The following SDK1 variants were observed in gnomAD, a reference collection of about 807,000 sequenced individuals.
The protein encoded by SDK1 is protein sidekick-1.
A neutral mutation model predicts 245.5 loss-of-function variants in SDK1; 157 were observed. That is an observed-to-expected ratio of 0.64 (90% confidence interval 0.56 to 0.73). The LOEUF (loss-of-function observed/expected upper bound fraction) is 0.73. Ranked by LOEUF, SDK1 falls within the 30% of genes least tolerant of loss-of-function variation. The pLI, the probability that SDK1 is intolerant of heterozygous loss-of-function variation, is 0.00. For synonymous variants in SDK1, 1,647 were observed against 1,278.5 expected (o/e 1.29, Z -6.15); for missense variants, 3,583 against 3,002.3 (o/e 1.19, Z -4.52).
intron 38 of SDK1, among the ~76,000 whole-genome samples, chr7:4,213,849 C>G (rs1784640094): frequency 1.3e-5 from 2 of 152,142 alleles, no homozygotes; most frequent in South Asian, 4.1e-4. Context: ...CTGGGAAACT[C>G]AAAGCATTCG....
At chr7:3,429,866 C>G (rs927028273) in intron 1 of SDK1, among the ~76,000 whole-genome samples, 37 of 152,122 alleles carry the variant, frequency 2.4e-4, no homozygotes, top group African/African-American at 8.4e-4. Flanking sequence ...GTTGGGATTA[C>G]AGGCATGAGC....
intron 14 of SDK1, among the ~76,000 whole-genome samples, chr7:4,009,761 G>A (rs1296834779): frequency 6.6e-6 from 1 of 152,258 alleles, no homozygotes; most frequent in Non-Finnish European, 1.5e-5. Flanking sequence ...TTCTGAATTA[G>A]TGATAGACAC....
intron 1 of SDK1, among the ~76,000 whole-genome samples, chr7:3,457,477 T>C (rs1780707560): frequency 6.6e-6 from 1 of 152,176 alleles, no homozygotes. Context: ...TCAATCATAA[T>C]GTGGTGTGTA....
Position 3,974,459 on chromosome 7 carries a change from G to C in SDK1, c.1908G>C (p.Gln636His). ...AGGACGGGTCCCTTCTCATCAGCCA[G>C]ACGTGGTCAGGCGACATCGGTGACT... ...VEKDGSLLIS[Q>H]TWSGDIGDYS... Residue 636 changes from glutamine (Q) to histidine (H), a missense_variant, in exon 13 of 45, where the codon CAG becomes CAC. Transcript: ENST00000404826. The C allele has an allele frequency of 6.2e-7, 1 of 1,614,182 alleles. No homozygotes were observed. The highest frequency in any genetic ancestry group is 1.1e-5 in the South Asian group (1 of 91,080).
At chr7:4,139,030 G>T (rs1006053987) in intron 28 of SDK1, among the ~76,000 whole-genome samples, 1 of 152,260 alleles carries the variant, frequency 6.6e-6, no homozygotes, top group African/African-American at 2.4e-5. Context: ...CTGAGAGGCA[G>T]TGGGCGCACA....
chr7:3,490,493 A>C (rs950397982), intron 1 of SDK1, among the ~76,000 whole-genome samples: 1 of 152,194 alleles, frequency 6.6e-6, no homozygotes, highest in African/African-American at 2.4e-5. Flanking sequence ...TATCATTTTA[A>C]AGATTACCAT....
At chr7:3,825,114 G>C (rs1325371716) in intron 5 of SDK1, among the ~76,000 whole-genome samples, 1 of 152,066 alleles carries the variant, frequency 6.6e-6, no homozygotes, top group Admixed American at 6.6e-5. Context: ...TTCATGGCCA[G>C]CTCCCACTGC....
At chr7:3,937,023 A>G (rs2128119679) in intron 5 of SDK1, among the ~76,000 whole-genome samples, 1 of 152,310 alleles carries the variant, frequency 6.6e-6, no homozygotes, top group Middle Eastern at 3.4e-3. Context: ...CTGCCTGGCC[A>G]TGATCATCAT....
At chr7:4,145,269 A>G (rs1779880726) in intron 28 of SDK1, among the ~76,000 whole-genome samples, 1 of 152,070 alleles carries the variant, frequency 6.6e-6, no homozygotes, top group Admixed American at 6.5e-5. Flanking sequence ...GGGAAGGAGG[A>G]GTGGCCGCTG....
chr7:3,923,061 T>G (rs1158441523), intron 5 of SDK1, among the ~76,000 whole-genome samples: 2 of 152,236 alleles, frequency 1.3e-5, no homozygotes, highest in African/African-American at 4.8e-5. Context: ...GCATTGTTAA[T>G]TTTGGCAATT....
chr7:3,497,980 G>C (rs1003002066), intron 1 of SDK1, among the ~76,000 whole-genome samples: 1 of 152,318 alleles, frequency 6.6e-6, no homozygotes, highest in Non-Finnish European at 1.5e-5. Context: ...CACGGAGACA[G>C]CTTTATGCAG....
intron 1 of SDK1, among the ~76,000 whole-genome samples, chr7:3,365,148 A>G (rs1045067778): frequency 6.6e-6 from 1 of 152,180 alleles, no homozygotes; most frequent in Admixed American, 6.5e-5. Flanking sequence ...TGTAATGTAA[A>G]GCCATTGAAC....
chr7:3,687,056 A>AAAACACACACACACACACACACAC (rs758259836), intron 4 of SDK1, among the ~76,000 whole-genome samples: 1 of 135,162 alleles, frequency 7.4e-6, no homozygotes, highest in African/African-American at 2.9e-5. Context: ...ATAGCATCAA[A>AAAACACACACACACACACACACAC]ACACACACAC....
At chr7:3,506,579 A>G (rs1237504137) in intron 1 of SDK1, among the ~76,000 whole-genome samples, 1 of 152,108 alleles carries the variant, frequency 6.6e-6, no homozygotes, top group African/African-American at 2.4e-5. Context: ...TGCATATTAT[A>G]TTATCATATT....
intron 22 of SDK1, among the ~76,000 whole-genome samples, chr7:4,104,583 A>G (rs1782783090): frequency 6.6e-6 from 1 of 152,182 alleles, no homozygotes; most frequent in South Asian, 2.1e-4. Flanking sequence ...TTCACTCTAC[A>G]TACTTTGACA....
At position 3,707,729 on chromosome 7, in the gene SDK1, C is replaced by G. The variant is rs559336126; in HGVS notation, c.713+65624C>G. On this transcript the variant is annotated intron_variant, in intron 4 of 44. Transcript: ENST00000404826. ...TAAATGTTTCATGAATCTGTGAGCT[C>G]TAGTGTTAAATGCATAGAAACTTAG... Among the ~76,000 whole-genome samples the G allele has an allele frequency of 5.3e-5, 8 of 152,242 alleles. No individual in the cohort carries two copies. In the South Asian group the frequency reaches 1.5e-3, roughly 28 times the overall value.
chr7:3,626,002 A>G (rs1488844003), intron 2 of SDK1, among the ~76,000 whole-genome samples: 1 of 138,494 alleles, frequency 7.2e-6, no homozygotes, highest in Non-Finnish European at 1.5e-5. Context: ...GGACTGTAGT[A>G]GTGTAATCAT....
intron 1 of SDK1, among the ~76,000 whole-genome samples, chr7:3,557,134 A>T (rs1297281306): frequency 1.3e-5 from 2 of 152,106 alleles, no homozygotes; most frequent in Non-Finnish European, 2.9e-5. Flanking sequence ...GAAAATAGGG[A>T]AACAGTAGAA....
At chr7:3,655,477 A>ATATATATATG (rs1783144521) in intron 4 of SDK1, among the ~76,000 whole-genome samples, 3 of 88,194 alleles carry the variant, frequency 3.4e-5, no homozygotes, top group African/African-American at 1.5e-4. Context: ...ATATATATAT[A>ATATATATATG]TATATATATA....
Sources: allele counts gnomAD v4.1 joint callset (sites outside exome capture counted in the v4.1 genomes callset), GRCh38; gene constraint gnomAD v4.1.1; transcripts MANE v1.5; gene names NCBI Gene and HGNC (gene_info 2026-07-23, HGNC 2026-07-21).